The following MSI2 variants were observed in gnomAD, a reference collection of about 807,000 sequenced individuals.
The protein encoded by MSI2 is musashi RNA binding protein 2.
Under a neutral mutation model 45.6 loss-of-function variants are expected in MSI2, and 17 were observed. The observed-to-expected ratio is 0.37, with a 90% CI of 0.26 to 0.56. The LOEUF (loss-of-function observed/expected upper bound fraction) is 0.56, where lower values mean the gene tolerates loss of function less well. MSI2 is among the 20% of genes least tolerant of loss of function. The pLI, the probability that MSI2 is intolerant of heterozygous loss-of-function variation, is 0.77. For missense variants in MSI2, 293 were observed against 444.2 expected, an observed-to-expected ratio of 0.66 and a Z score of 3.06; for synonymous variants, 156 against 158.2, an observed-to-expected ratio of 0.99 and a Z score of 0.11.
intron 10 of MSI2, among the ~76,000 whole-genome samples, chr17:57,651,442 G>T (rs986178099): frequency 1.3e-5 from 2 of 151,846 alleles, no homozygotes; most frequent in Admixed American, 6.6e-5. Context: ...GACCCCTGCA[G>T]CCCCGCACTC....
intron 5 of MSI2, among the ~76,000 whole-genome samples, chr17:57,385,818 C>T (rs1278623111): frequency 6.6e-6 from 1 of 152,118 alleles, no homozygotes; most frequent in Non-Finnish European, 1.5e-5. Flanking sequence ...AACAAATTAC[C>T]CTCAAATTTA....
intron 6 of MSI2, among the ~76,000 whole-genome samples, chr17:57,456,225 C>T (rs998175984): frequency 3.9e-5 from 6 of 152,302 alleles, no homozygotes; most frequent in Non-Finnish European, 7.4e-5. Context: ...GGGGTGCACA[C>T]GGGGAGACAG....
At chr17:57,344,363 G>T (rs1339348353) in intron 5 of MSI2, among the ~76,000 whole-genome samples, 1 of 152,240 alleles carries the variant, frequency 6.6e-6, no homozygotes, top group Non-Finnish European at 1.5e-5. Flanking sequence ...CACTTGGCCA[G>T]TGGGAGGCCC....
intron 6 of MSI2, among the ~76,000 whole-genome samples, chr17:57,434,468 A>G (rs1567821221): frequency 6.6e-6 from 1 of 152,190 alleles, no homozygotes; most frequent in Non-Finnish European, 1.5e-5. Flanking sequence ...TCTGTAGATC[A>G]CTGGAACTTA....
At chr17:57,550,320 A>G (rs570764811) in intron 7 of MSI2, among the ~76,000 whole-genome samples, 2 of 152,266 alleles carry the variant, frequency 1.3e-5, no homozygotes, top group Admixed American at 1.3e-4. Flanking sequence ...GGATCAGTGC[A>G]AGCACAGATC....
intron 6 of MSI2, among the ~76,000 whole-genome samples, chr17:57,468,533 A>AC (rs2085373546): frequency 1.3e-5 from 2 of 151,126 alleles, no homozygotes; most frequent in Non-Finnish European, 2.9e-5. Flanking sequence ...AAAAAAAAAA[A>AC]AAAAACAAGC....
At chr17:57,622,843 G>A (rs1908444144) in intron 9 of MSI2, among the ~76,000 whole-genome samples, 1 of 152,112 alleles carries the variant, frequency 6.6e-6, no homozygotes, top group Admixed American at 6.5e-5. Flanking sequence ...TTGTTTAGCC[G>A]CTTCCTGGTG....
At chr17:57,546,896 A>T (rs1465463181) in intron 7 of MSI2, among the ~76,000 whole-genome samples, 3 of 152,252 alleles carry the variant, frequency 2.0e-5, no homozygotes, top group Non-Finnish European at 4.4e-5. Flanking sequence ...GGAACAAGGC[A>T]GGCCAAATCC....
chr17:57,676,072 G>A (rs1431506366), intron 12 of MSI2, among the ~76,000 whole-genome samples: 2 of 152,206 alleles, frequency 1.3e-5, no homozygotes, highest in Non-Finnish European at 2.9e-5. Context: ...CCCAGGCCAC[G>A]TTCCTGTCAG....
intron 5 of MSI2, among the ~76,000 whole-genome samples, chr17:57,349,863 CT>C (rs1567773499): frequency 6.6e-6 from 1 of 152,188 alleles, no homozygotes; most frequent in African/African-American, 2.4e-5. Flanking sequence ...AAGATATATA[CT>C]GAAAAACTCA....
intron 4 of MSI2, among the ~76,000 whole-genome samples, chr17:57,258,858 G>A (rs1358316656): frequency 6.6e-6 from 1 of 152,158 alleles, no homozygotes; most frequent in African/African-American, 2.4e-5. Flanking sequence ...AAGGGAAGGG[G>A]ACGCTGGCGG....
chr17:57,474,207 A>G (rs1018464164), intron 6 of MSI2, among the ~76,000 whole-genome samples: 4 of 152,150 alleles, frequency 2.6e-5, no homozygotes, highest in African/African-American at 9.7e-5. Context: ...GTGCACTGGT[A>G]TTCATAGCAG....
chr17:57,687,928 A>G (rs1273773267), downstream of MSI2, among the ~76,000 whole-genome samples: 4 of 152,144 alleles, frequency 2.6e-5, no homozygotes, highest in African/African-American at 7.2e-5. Flanking sequence ...ATCTGTCAAC[A>G]TCTATTATAC....
chr17:57,420,199 T>C (rs979004187), intron 6 of MSI2, among the ~76,000 whole-genome samples: 1 of 152,200 alleles, frequency 6.6e-6, no homozygotes, highest in Non-Finnish European at 1.5e-5. Flanking sequence ...TATCAGCATC[T>C]TTCTCACAGG....
intron 5 of MSI2, among the ~76,000 whole-genome samples, chr17:57,368,331 G>A (rs183366807): frequency 9.2e-5 from 14 of 152,178 alleles, no homozygotes; most frequent in African/African-American, 2.9e-4. Context: ...TGAGGCGGGC[G>A]GATTGCTTGG....
intron 5 of MSI2, among the ~76,000 whole-genome samples, chr17:57,370,182 G>A (rs1412957112): frequency 6.6e-6 from 1 of 152,182 alleles, no homozygotes; most frequent in Non-Finnish European, 1.5e-5. Flanking sequence ...AGTGGAAGGG[G>A]AATCTGTGTG....
rs1006810200 is a variant in MSI2, at chr17:57,262,049, A to G, written c.271-102A>G. On this transcript the variant is annotated intron_variant, in intron 4 of 13. Coordinates refer to ENST00000284073, the MANE Select transcript of MSI2 (RefSeq NM_138962.4). ...TGCCTGAGAAGTTACTAAAAGCTGG[A>G]TTATAAGCCTGAGAAATGAGTGATT... is the stretch of plus-strand genomic sequence containing the variant. 27 of 1,289,754 alleles carry G rather than the reference A, an allele frequency of 2.1e-5. No individual in the cohort carries two copies. In the East Asian group the frequency reaches 6.4e-4, roughly 31 times the overall value. 79.9% of individuals were successfully genotyped at this position (1,289,754 alleles called of 1,614,324 possible).
At chr17:57,620,717 C>T (rs1169217291) in intron 9 of MSI2, among the ~76,000 whole-genome samples, 1 of 152,186 alleles carries the variant, frequency 6.6e-6, no homozygotes, top group Non-Finnish European at 1.5e-5. Context: ...TGCTGGATTC[C>T]AGGCCTCATC....
intron 11 of MSI2, among the ~76,000 whole-genome samples, chr17:57,654,445 G>A (rs577947738): frequency 6.6e-5 from 10 of 152,218 alleles, no homozygotes; most frequent in South Asian, 2.1e-4. Flanking sequence ...GAAAATGATC[G>A]GGAAGCCAAG....
Sources: gnomAD v4.1 joint callset for allele counts (sites outside exome capture counted in the v4.1 genomes callset) on GRCh38, gnomAD v4.1.1 for gene constraint, MANE v1.5 for transcripts, NCBI Gene and HGNC (gene_info 2026-07-23, HGNC 2026-07-21) for gene names.